ZBTB16: variants seen among roughly 807,000 people sequenced by gnomAD.
The protein encoded by ZBTB16 is zinc finger and BTB domain containing 16.
A neutral mutation model predicts 56.8 loss-of-function variants in ZBTB16; 8 were observed. The ratio of observed to expected loss-of-function variants is 0.14; its 90% CI spans 0.08 to 0.25. The LOEUF (loss-of-function observed/expected upper bound fraction) is 0.25. Ranked by LOEUF, ZBTB16 falls within the 10% of genes least tolerant of loss-of-function variation. The pLI is 1.00. For synonymous variants in ZBTB16, 363 were observed against 368.5 expected (o/e 0.98, Z 0.17); for missense variants, 625 against 903.0 (o/e 0.69, Z 3.95).
At chr11:114,083,137 A>G (rs2137702620) in intron 2 of ZBTB16, among the ~76,000 whole-genome samples, 1 of 152,270 alleles carries the variant, frequency 6.6e-6, no homozygotes, top group South Asian at 2.1e-4. Context: ...TTGTGGTTGG[A>G]TAAAGGAAGC....
Position 114,254,602 on chromosome 11 carries a change from G to A in ZBTB16, c.*4047G>A, listed in dbSNP as rs11600671. Among the ~76,000 whole-genome samples, 8,497 of 152,180 alleles carry A rather than the reference G, an allele frequency of 0.056. 321 individuals are homozygous for A. Among genetic ancestry groups the A allele is most frequent in the East Asian group, 0.17 (870 of 5,158 alleles). ...CTGGGCCTGCTTCCCGGCAAGCCGA[G>A]CTAGGGTGAAAACTGGGGGCGCACC... On this transcript the variant is annotated 3_prime_UTR_variant, in exon 7 of 7. Coordinates refer to ENST00000335953, the MANE Select transcript of ZBTB16 (RefSeq NM_006006.6).
chr11:114,180,165 G>A (rs562096483), intron 3 of ZBTB16, among the ~76,000 whole-genome samples: 1 of 152,292 alleles, frequency 6.6e-6, no homozygotes, highest in African/African-American at 2.4e-5. Context: ...ACCTTCTGGA[G>A]GTGTCGGGAA....
intron 3 of ZBTB16, among the ~76,000 whole-genome samples, chr11:114,164,877 C>T (rs1226507922): frequency 6.6e-6 from 1 of 152,074 alleles, no homozygotes; most frequent in Non-Finnish European, 1.5e-5. Flanking sequence ...TCTATTTCTC[C>T]CCAATCTGCT....
rs183691783 is a variant in ZBTB16 at position 114,133,903 on chromosome 11, C to T, written c.1269-22434C>T. On this transcript the variant is annotated intron_variant, in intron 2 of 6. Transcript: ENST00000335953. ...TCAGGCAGCTATCCCTCATGGATCT[C>T]CTTAGAGGCCCCCACAGGCTAGTGA... 2.8e-3 allele frequency among the ~76,000 whole-genome samples: 420 copies of T among 152,314 alleles called. 4 individuals carry two copies. Among genetic ancestry groups the T allele is most frequent in the Middle Eastern group, 0.01 (3 of 294 alleles).
rs1327583149 is a variant in ZBTB16 at position 114,063,211 on chromosome 11, C to T, written c.-90C>T. 2.1e-6 allele frequency: 3 copies of T among 1,412,522 alleles called. No individual in the cohort carries two copies. Among genetic ancestry groups the T allele is most frequent in the African/African-American group, 2.8e-5 (2 of 70,792 alleles). 87.5% of individuals were successfully genotyped at this position (1,412,522 alleles called of 1,614,324 possible). ...CTTCTTCCCCTCTTCTTTCTCCTAG[C>T]CTCCTCTATTGGCCCAGGAAGCCCA... On this transcript the variant is annotated splice_region_variant and 5_prime_UTR_variant, in exon 2 of 7. Coordinates refer to ENST00000335953, the MANE Select transcript of ZBTB16 (RefSeq NM_006006.6). This position sits in a 1 kb window ranked among gnomAD's most constrained non-coding sequence, Gnocchi z 6.5.
At chr11:114,186,750 C>T (rs990683242) in intron 3 of ZBTB16, among the ~76,000 whole-genome samples, 12 of 152,114 alleles carry the variant, frequency 7.9e-5, no homozygotes, top group African/African-American at 2.9e-4. Context: ...CTAGAAGAGC[C>T]CTAGACAAGG....
At chr11:114,139,603 T>G (rs989204355) in intron 2 of ZBTB16, among the ~76,000 whole-genome samples, 1 of 150,476 alleles carries the variant, frequency 6.6e-6, no homozygotes, top group African/African-American at 2.5e-5. Context: ...AGATGGCGTG[T>G]GTGGGTATGT....
intron 4 of ZBTB16, chr11:114,188,211 C>T (rs1246705519): frequency 6.6e-6 from 1 of 152,386 alleles, no homozygotes; most frequent in African/African-American, 2.4e-5. Context: ...CACTGCTTTA[C>T]GTGATCCCAT....
intron 3 of ZBTB16, among the ~76,000 whole-genome samples, chr11:114,166,617 G>A (rs1052346080): frequency 1.3e-5 from 2 of 152,172 alleles, no homozygotes; most frequent in African/African-American, 2.4e-5. Context: ...TCATCATATC[G>A]AGTGACTTCT....
intron 4 of ZBTB16, among the ~76,000 whole-genome samples, chr11:114,225,692 G>A (rs902282853): frequency 1.3e-5 from 2 of 152,148 alleles, no homozygotes; most frequent in African/African-American, 4.8e-5. Flanking sequence ...TTAAGATCAA[G>A]TTTTCAACAC....
In ZBTB16 at chr11:114,256,032, TTTG is replaced by T. The variant is rs1945005651; in HGVS notation, c.*5480_*5482del. Among the ~76,000 whole-genome samples the T allele has an allele frequency of 8.3e-6, 1 of 120,292 alleles. No individual in the cohort carries two copies. Among genetic ancestry groups the T allele is most frequent in the South Asian group, 3.0e-4 (1 of 3,332 alleles). The allele number at this position is 120,292 out of a possible 152,430, so 78.9% of individuals were successfully genotyped here. A position where few individuals can be genotyped will look rare whatever the true frequency, so the allele number is the denominator to read the frequency against. On this transcript the variant is annotated 3_prime_UTR_variant, in exon 7 of 7. Coordinates refer to ENST00000335953, the MANE Select transcript of ZBTB16 (RefSeq NM_006006.6). ...ACTTGGTTTTGTTTTGTTTTTTTTT[TTTG>T]TTTTTTTTGCCTTTTCTTGTGTGGG...
chr11:114,183,933 C>T (rs1272987085), intron 3 of ZBTB16, among the ~76,000 whole-genome samples: 1 of 152,260 alleles, frequency 6.6e-6, no homozygotes, highest in African/African-American at 2.4e-5. Flanking sequence ...TCAAAGCTCT[C>T]TTAAGCCGTG....
chr11:114,223,780 A>G (rs1944282485), intron 4 of ZBTB16, among the ~76,000 whole-genome samples: 1 of 152,150 alleles, frequency 6.6e-6, no homozygotes. Flanking sequence ...TCCAACTTGG[A>G]TGGAGGCTTC....
At chr11:114,196,443 C>G (rs1228888636) in intron 4 of ZBTB16, among the ~76,000 whole-genome samples, 1 of 130,920 alleles carries the variant, frequency 7.6e-6, no homozygotes, top group African/African-American at 3.0e-5. Flanking sequence ...GGCTGGGAAG[C>G]TTAAGGGCAC....
intron 2 of ZBTB16, among the ~76,000 whole-genome samples, chr11:114,119,563 A>G (rs1321715655): frequency 6.6e-6 from 1 of 152,020 alleles, no homozygotes. Flanking sequence ...TGTTTTTTGT[A>G]TGGGGGTTGT....
intron 3 of ZBTB16, among the ~76,000 whole-genome samples, chr11:114,172,571 A>T (rs1311973041): frequency 6.6e-5 from 10 of 152,118 alleles, no homozygotes; most frequent in Non-Finnish European, 1.3e-4. Context: ...CTCTGCGGCA[A>T]AGTTGTTTCC....
intron 2 of ZBTB16, among the ~76,000 whole-genome samples, chr11:114,118,474 C>G (rs1391641785): frequency 1.3e-5 from 2 of 152,140 alleles, no homozygotes; most frequent in African/African-American, 4.8e-5. Context: ...CCGTGCCTGG[C>G]CCAGGCTAGA....
At chr11:114,066,747 G>A (rs7925903) in intron 2 of ZBTB16, among the ~76,000 whole-genome samples, 2,747 of 150,830 alleles carry the variant, frequency 0.018, 74 homozygotes, top group African/African-American at 0.062. Flanking sequence ...TAACCTTTCT[G>A]GGCCTTGTTT....
At chr11:114,065,789 G>A (rs2137659097) in intron 2 of ZBTB16, among the ~76,000 whole-genome samples, 1 of 152,330 alleles carries the variant, frequency 6.6e-6, no homozygotes, top group East Asian at 1.9e-4. Context: ...CACATAGATA[G>A]TAAGAGGCAG....
Sources: gnomAD v4.1 joint callset for allele counts (sites outside exome capture counted in the v4.1 genomes callset) on GRCh38, gnomAD v4.1.1 for gene constraint, Gnocchi (gnomAD v3.1) non-coding constraint, MANE v1.5 for transcripts, NCBI Gene and HGNC (gene_info 2026-07-23, HGNC 2026-07-21) for gene names.